TRPC6: variants seen among roughly 807,000 people sequenced by gnomAD.
TRPC6 encodes short transient receptor potential channel 6.
TRPC6 carries 55 observed loss-of-function variants against 90.7 expected under a neutral mutation model. The ratio of observed to expected loss-of-function variants is 0.61; its 90% CI spans 0.49 to 0.76. The LOEUF is 0.76. Among genes scored for constraint, TRPC6 ranks in the 30% least tolerant of loss-of-function variants. The pLI is 0.00. For missense variants in TRPC6, 989 were observed against 1,122.7 expected (o/e 0.88, Z 1.70); for synonymous variants, 393 against 393.0 (o/e 1.00, Z 0.00).
chr11:101,582,428 C>G (rs1196607004), intron 1 of TRPC6, among the ~76,000 whole-genome samples: 1 of 152,154 alleles, frequency 6.6e-6, no homozygotes, highest in Non-Finnish European at 1.5e-5. Flanking sequence ...ACTACCCAAT[C>G]ACCCAAAGGG....
At chr11:101,533,228 G>T (rs555897582) in intron 1 of TRPC6, among the ~76,000 whole-genome samples, 74 of 152,222 alleles carry the variant, frequency 4.9e-4, no homozygotes, top group African/African-American at 1.8e-3. Context: ...AGTTTAATTG[G>T]TTCATGGTTC....
intron 1 of TRPC6, among the ~76,000 whole-genome samples, chr11:101,542,932 G>A (rs1231138341): frequency 6.6e-6 from 1 of 151,914 alleles, no homozygotes; most frequent in Non-Finnish European, 1.5e-5. Context: ...TTCAAAATTG[G>A]TAAACAGTTC....
At chr11:101,522,905 C>G (rs968989297) in intron 1 of TRPC6, among the ~76,000 whole-genome samples, 1 of 152,046 alleles carries the variant, frequency 6.6e-6, no homozygotes, top group Non-Finnish European at 1.5e-5. Flanking sequence ...TCAGACTAAG[C>G]AGAAACAAAA....
intron 1 of TRPC6, among the ~76,000 whole-genome samples, chr11:101,571,504 A>C (rs1335123571): frequency 6.6e-6 from 1 of 152,248 alleles, no homozygotes; most frequent in East Asian, 1.9e-4. Context: ...TTCTTCACAG[A>C]ATTGGAAAAA....
At chr11:101,484,595 ATGTGTGTGTGTGTGTGTG>A (rs61160203) in intron 4 of TRPC6, among the ~76,000 whole-genome samples, 1 of 140,784 alleles carries the variant, frequency 7.1e-6, no homozygotes, top group South Asian at 2.4e-4. Flanking sequence ...CTCTCATGCT[ATGTGTGTGTGTGTGTGTG>A]TGTGTGTGTG....
At chr11:101,538,730 G>A (rs112548654) in intron 1 of TRPC6, among the ~76,000 whole-genome samples, 3,119 of 152,322 alleles carry the variant, frequency 0.02, 51 homozygotes, top group African/African-American at 0.033. Context: ...TTGGAAACAT[G>A]ATAAAAACTG....
At chr11:101,495,633 T>TC (rs1859926758) in intron 2 of TRPC6, among the ~76,000 whole-genome samples, 18 of 144,512 alleles carry the variant, frequency 1.2e-4, no homozygotes, top group South Asian at 2.2e-4. Flanking sequence ...TTATTATTAT[T>TC]ATCATTGTTT....
intron 1 of TRPC6, among the ~76,000 whole-genome samples, chr11:101,522,189 T>C (rs1860678316): frequency 6.6e-6 from 1 of 152,222 alleles, no homozygotes; most frequent in South Asian, 2.1e-4. Context: ...TAATGCCCAG[T>C]GTTGAAGAAA....
In TRPC6 at chr11:101,476,550, G is replaced by A. The variant is rs374337629; in HGVS notation, c.1511-16C>T. 29 of 1,591,888 alleles carry A rather than the reference G, an allele frequency of 1.8e-5. No homozygotes were observed. Among genetic ancestry groups the A allele is most frequent in the Non-Finnish European group, 2.2e-5 (25 of 1,160,020 alleles). The stretch of plus-strand genomic sequence containing the variant: ...CATATCATGCCTGCATCAGAAAGGG[G>A]TTAAAATATCAATTCAATCGCATTC... On this transcript the variant is annotated splice_polypyrimidine_tract_variant and intron_variant, in intron 5 of 12. Transcript: ENST00000344327.
At chr11:101,511,521 A>G (rs1704758214) in intron 1 of TRPC6, among the ~76,000 whole-genome samples, 1 of 152,158 alleles carries the variant, frequency 6.6e-6, no homozygotes, top group South Asian at 2.1e-4. Flanking sequence ...ACACAGAAAA[A>G]AAGGAACAAA....
chr11:101,539,210 G>A (rs1047886962), intron 1 of TRPC6, among the ~76,000 whole-genome samples: 3 of 152,168 alleles, frequency 2.0e-5, no homozygotes, highest in Non-Finnish European at 2.9e-5. Context: ...TCTAGTCCTA[G>A]AAAGGAGCCC....
chr11:101,513,983 C>G (rs2136763176), intron 1 of TRPC6, among the ~76,000 whole-genome samples: 1 of 152,310 alleles, frequency 6.6e-6, no homozygotes, highest in Middle Eastern at 3.4e-3. Context: ...AGGTTTCACT[C>G]TATATGTGAC....
At chr11:101,476,077 G>T (rs1859409862) in intron 6 of TRPC6, among the ~76,000 whole-genome samples, 1 of 152,070 alleles carries the variant, frequency 6.6e-6, no homozygotes, top group Non-Finnish European at 1.5e-5. Context: ...AAGAGATAAA[G>T]GGAGATGAGT....
At chr11:101,558,453 GCACACATA>G (rs746034518) in intron 1 of TRPC6, among the ~76,000 whole-genome samples, 1,328 of 24,822 alleles carry the variant, frequency 0.054, 310 homozygotes, top group Middle Eastern at 0.16. Context: ...ATATACACAC[GCACACATA>G]CACACACACA....
intron 10 of TRPC6, among the ~76,000 whole-genome samples, chr11:101,466,852 A>G (rs1231756467): frequency 6.6e-6 from 1 of 152,226 alleles, no homozygotes; most frequent in Non-Finnish European, 1.5e-5. Flanking sequence ...GCCCTGGTGG[A>G]GTAGGCACCA....
intron 1 of TRPC6, among the ~76,000 whole-genome samples, chr11:101,517,783 A>C (rs1235643535): frequency 6.6e-6 from 1 of 152,246 alleles, no homozygotes; most frequent in Admixed American, 6.5e-5. Flanking sequence ...GCCCAATGTT[A>C]AACAGCTACT....
At chr11:101,571,407 A>G (rs1565251056) in intron 1 of TRPC6, among the ~76,000 whole-genome samples, 1 of 152,214 alleles carries the variant, frequency 6.6e-6, no homozygotes, top group Non-Finnish European at 1.5e-5. Context: ...ATGCTCATGG[A>G]CAGAAAGAAT....
Position 101,490,167 on chromosome 11 carries a change from TAAC to T in TRPC6, c.1129-1069_1129-1067del, listed in dbSNP as rs1024235080. Among the ~76,000 whole-genome samples the T allele has an allele frequency of 9.9e-5, 15 of 152,244 alleles. No homozygotes were observed. In the East Asian group the frequency reaches 2.7e-3, roughly 27 times the overall value. The stretch of plus-strand genomic sequence containing the variant: ...TACTGTATAAAAAATAAAAATCTAA[TAAC>T]AAAAATCTGAAAATTATAATAAACA... On this transcript the variant is annotated intron_variant, in intron 3 of 12. Transcript: ENST00000344327.
At chr11:101,538,785 G>A (rs2136814622) in intron 1 of TRPC6, among the ~76,000 whole-genome samples, 1 of 152,310 alleles carries the variant, frequency 6.6e-6, no homozygotes, top group Admixed American at 6.5e-5. Context: ...TGAAGATGAA[G>A]AGAGTCATGA....
Sources: gnomAD v4.1 joint callset for allele counts (sites outside exome capture counted in the v4.1 genomes callset) on GRCh38, gnomAD v4.1.1 for gene constraint, MANE v1.5 for transcripts, NCBI Gene and HGNC (gene_info 2026-07-23, HGNC 2026-07-21) for gene names.